Variants in LRRC4C observed in about 807,000 individuals in gnomAD.
LRRC4C encodes the protein leucine-rich repeat-containing protein 4C.
A neutral mutation model predicts 33.6 loss-of-function variants in LRRC4C; 5 were observed. That is an observed-to-expected ratio of 0.15 (90% confidence interval 0.08 to 0.31). The LOEUF (loss-of-function observed/expected upper bound fraction) is 0.31. LRRC4C is among the 10% of genes least tolerant of loss of function. The pLI, the probability that LRRC4C is intolerant of heterozygous loss-of-function variation, is 1.00. For synonymous variants in LRRC4C, 329 were observed against 302.0 expected, an observed-to-expected ratio of 1.09 and a Z score of -0.93; for missense variants, 560 against 796.7, an observed-to-expected ratio of 0.70 and a Z score of 3.58.
chr11:41,416,615 A>G (rs1591471246), intron 1 of LRRC4C, among the ~76,000 whole-genome samples: 1 of 151,892 alleles, frequency 6.6e-6, no homozygotes, highest in Non-Finnish European at 1.5e-5. Context: ...TGGCTGGGGG[A>G]CAGTGCGTGC....
At chr11:41,393,562 G>A (rs1456211458) in intron 1 of LRRC4C, among the ~76,000 whole-genome samples, 1 of 151,666 alleles carries the variant, frequency 6.6e-6, no homozygotes, top group African/African-American at 2.4e-5. Flanking sequence ...CTGGTTCCAG[G>A]GTGAACATAA....
intron 1 of LRRC4C, among the ~76,000 whole-genome samples, chr11:40,971,143 T>G (rs1014896963): frequency 6.6e-6 from 1 of 152,066 alleles, no homozygotes; most frequent in Non-Finnish European, 1.5e-5. Context: ...TTCACATAAG[T>G]AAAGAGGAGC....
intron 4 of LRRC4C, among the ~76,000 whole-genome samples, chr11:40,252,443 A>G (rs1429282734): frequency 6.6e-6 from 1 of 152,090 alleles, no homozygotes; most frequent in African/African-American, 2.4e-5. Flanking sequence ...GGATCTTACC[A>G]CATATTTTAT....
At chr11:41,026,596 A>T (rs1377535476) in intron 1 of LRRC4C, among the ~76,000 whole-genome samples, 1 of 151,524 alleles carries the variant, frequency 6.6e-6, no homozygotes, top group African/African-American at 2.4e-5. Flanking sequence ...TGCCACCGAG[A>T]AATCTTTCAT....
chr11:40,618,545 C>A (rs1962104993), intron 3 of LRRC4C, among the ~76,000 whole-genome samples: 1 of 151,682 alleles, frequency 6.6e-6, no homozygotes, highest in African/African-American at 2.4e-5. Flanking sequence ...TGCAATCGTG[C>A]AATACTTTGA....
At chr11:41,321,928 G>A (rs1194248917) in intron 1 of LRRC4C, among the ~76,000 whole-genome samples, 2 of 151,896 alleles carry the variant, frequency 1.3e-5, no homozygotes, top group Non-Finnish European at 2.9e-5. Flanking sequence ...GCAATGGCGT[G>A]ATCTCAGTTC....
chr11:40,781,750 T>C (rs1182095738), intron 2 of LRRC4C, among the ~76,000 whole-genome samples: 3 of 152,204 alleles, frequency 2.0e-5, no homozygotes, highest in Non-Finnish European at 2.9e-5. Context: ...TCATCTATGC[T>C]GAAAATCCTG....
At chr11:40,696,381 G>GTA (rs1009631021) in intron 2 of LRRC4C, among the ~76,000 whole-genome samples, 1 of 129,990 alleles carries the variant, frequency 7.7e-6, no homozygotes. Flanking sequence ...TATGTATATG[G>GTA]TATATATATA....
chr11:41,241,941 A>G (rs1458007953), intron 1 of LRRC4C, among the ~76,000 whole-genome samples: 1 of 152,176 alleles, frequency 6.6e-6, no homozygotes, highest in African/African-American at 2.4e-5. Context: ...ATCAATGCAC[A>G]CAGTTGGCTA....
intron 2 of LRRC4C, among the ~76,000 whole-genome samples, chr11:40,700,421 A>T (rs1447133629): frequency 6.6e-6 from 1 of 152,208 alleles, no homozygotes; most frequent in East Asian, 1.9e-4. Context: ...TTATAGAAAT[A>T]TCACAATCAC....
chr11:40,935,872 C>A (rs1294729355), intron 1 of LRRC4C, among the ~76,000 whole-genome samples: 1 of 151,046 alleles, frequency 6.6e-6, no homozygotes, highest in Non-Finnish European at 1.5e-5. Context: ...AGTGATGTAA[C>A]TTCATTCTGA....
At position 41,317,077 on chromosome 11, in the gene LRRC4C, C is replaced by A. The variant is rs1950818418; in HGVS notation, c.-496+142354G>T. ...CATCTTGATCTCAGAAGTCAGCTCA[C>A]TGCCCTCCTAATAGACAGCTCAGCA... On this transcript the variant is annotated intron_variant, in intron 1 of 6. Transcript: ENST00000528697. Among the ~76,000 whole-genome samples, 3 of 152,220 alleles carry A rather than the reference C, an allele frequency of 2.0e-5. No individual in the cohort carries two copies. The South Asian group carries it at 6.2e-4, about 31-fold the overall frequency.
chr11:40,477,953 A>T (rs2138370475), intron 3 of LRRC4C, among the ~76,000 whole-genome samples: 1 of 152,300 alleles, frequency 6.6e-6, no homozygotes, highest in East Asian at 1.9e-4. Flanking sequence ...ACAGTCAGTA[A>T]GTCCCATGAG....
rs193107420 is a variant in LRRC4C at position 40,425,651 on chromosome 11, A to C, written c.-269-105930T>G. Among the ~76,000 whole-genome samples the C allele has an allele frequency of 7.9e-5, 12 of 152,374 alleles. No individual in the cohort carries two copies. In the East Asian group the frequency reaches 2.3e-3, roughly 29 times the overall value. On this transcript the variant is annotated intron_variant, in intron 3 of 6. Coordinates refer to ENST00000528697, the MANE Select transcript of LRRC4C (RefSeq NM_001258419.2). ...TGAATAGAGCCATAAACGGAGGAGC[A>C]AATGAAAATAGTGGAAAGGAAAATG...
intron 5 of LRRC4C, among the ~76,000 whole-genome samples, chr11:40,221,192 A>G (rs1335354735): frequency 6.6e-6 from 1 of 152,116 alleles, no homozygotes; most frequent in Non-Finnish European, 1.5e-5. Flanking sequence ...TGTATCTCTA[A>G]TGTACTTTCT....
chr11:41,276,759 A>G (rs1565539884), intron 1 of LRRC4C, among the ~76,000 whole-genome samples: 1 of 152,162 alleles, frequency 6.6e-6, no homozygotes, highest in South Asian at 2.1e-4. Flanking sequence ...TGTAATCACA[A>G]GGATCCTTAC....
chr11:40,406,794 T>C (rs1949979620), intron 3 of LRRC4C, among the ~76,000 whole-genome samples: 1 of 152,150 alleles, frequency 6.6e-6, no homozygotes, highest in Admixed American at 6.6e-5. Flanking sequence ...CCAAATACGA[T>C]ATATTTCTGC....
chr11:41,406,706 CCACACACACACACACACACA>C (rs112867786), intron 1 of LRRC4C, among the ~76,000 whole-genome samples: 5 of 138,308 alleles, frequency 3.6e-5, no homozygotes, highest in South Asian at 2.4e-4. Flanking sequence ...TACACATTCA[CCACACACACACACACACACA>C]CACACACACA....
At chr11:41,100,417 A>T (rs1437586729) in intron 1 of LRRC4C, among the ~76,000 whole-genome samples, 1 of 152,036 alleles carries the variant, frequency 6.6e-6, no homozygotes, top group African/African-American at 2.4e-5. Flanking sequence ...AATACAAAAA[A>T]GTAGCTGGGA....
Sources: gnomAD v4.1 joint callset for allele counts (sites outside exome capture counted in the v4.1 genomes callset) on GRCh38, gnomAD v4.1.1 for gene constraint, MANE v1.5 for transcripts, NCBI Gene and HGNC (gene_info 2026-07-23, HGNC 2026-07-21) for gene names.